CERK: variants seen among roughly 807,000 people sequenced by gnomAD.
The protein encoded by CERK is acylsphingosine kinase.
A neutral mutation model predicts 63.4 loss-of-function variants in CERK; 39 were observed. The ratio of observed to expected loss-of-function variants is 0.61; its 90% confidence interval spans 0.48 to 0.80. The LOEUF (loss-of-function observed/expected upper bound fraction) is 0.80. Among genes scored for constraint, CERK ranks in the 30% least tolerant of loss-of-function variants. The pLI is 0.00. For synonymous variants in CERK, 302 were observed against 280.0 expected, an observed-to-expected ratio of 1.08 and a Z score of -0.78; for missense variants, 670 against 714.1, an observed-to-expected ratio of 0.94 and a Z score of 0.70.
chr22:46,700,061 C>G (rs544089745), intron 7 of CERK, among the ~76,000 whole-genome samples: 154 of 151,484 alleles, frequency 1.0e-3, no homozygotes, highest in Non-Finnish European at 1.9e-3. Flanking sequence ...TGTACTCCAG[C>G]CTGGGCCACA....
chr22:46,725,014 C>T (rs1436835241), intron 1 of CERK, among the ~76,000 whole-genome samples: 1 of 151,636 alleles, frequency 6.6e-6, no homozygotes, highest in African/African-American at 2.4e-5. Context: ...GACAGCAAAA[C>T]TCCATCTCAA....
intron 12 of CERK, among the ~76,000 whole-genome samples, chr22:46,688,785 C>T (rs1306136481): frequency 1.3e-5 from 2 of 152,254 alleles, no homozygotes; most frequent in African/African-American, 4.8e-5. Context: ...GCCAGCCACA[C>T]TCTGTTAACG....
intron 1 of CERK, among the ~76,000 whole-genome samples, chr22:46,729,320 C>T (rs1291294698): frequency 6.6e-6 from 1 of 152,162 alleles, no homozygotes; most frequent in African/African-American, 2.4e-5. Flanking sequence ...AACTGAGCCA[C>T]TGCACTCCAG....
intron 1 of CERK, among the ~76,000 whole-genome samples, chr22:46,723,945 G>C (rs907045945): frequency 6.6e-6 from 1 of 152,020 alleles, no homozygotes. Context: ...TGATCTGCCC[G>C]CCTCGGCCTC....
At chr22:46,711,056 C>T in intron 5 of CERK, 30 bp downstream of exon 5, 1 of 1,589,604 alleles carries the variant, frequency 6.3e-7, no homozygotes, top group Non-Finnish European at 8.6e-7. Flanking sequence ...TAACAATGGA[C>T]TTGATGGCGA....
rs1435762725 is a variant in CERK at position 46,701,521 on chromosome 22, A to G, written c.790+115T>C. 1.4e-5 allele frequency: 12 copies of G among 841,972 alleles called. No homozygotes were observed. The Admixed American group carries it at 2.9e-4, about 21-fold the overall frequency. The allele number at this position is 841,972 out of a possible 1,614,324, so 52.2% of individuals were successfully genotyped here. On this transcript the variant is annotated intron_variant, in intron 7 of 12. Coordinates refer to ENST00000216264, the MANE Select transcript of CERK (RefSeq NM_022766.6). Reference sequence around the variant, plus strand: ...CAGAGCAGGGGACACAGCGTGACCCACGGCCAGGACAGGACGGCAACGGCT... The same window carrying G: ...CAGAGCAGGGGACACAGCGTGACCCGCGGCCAGGACAGGACGGCAACGGCT...
At chr22:46,698,337 C>G (rs2082766623) in intron 8 of CERK, among the ~76,000 whole-genome samples, 1 of 152,242 alleles carries the variant, frequency 6.6e-6, no homozygotes, top group East Asian at 1.9e-4. Flanking sequence ...CAGGATCTTG[C>G]CTGTTTTGTT....
intron 1 of CERK, among the ~76,000 whole-genome samples, chr22:46,723,987 C>T (rs368243906): frequency 1.3e-4 from 20 of 152,238 alleles, no homozygotes; most frequent in East Asian, 3.9e-4. Context: ...CATGAGCCAC[C>T]GCGCCTGGCC....
chr22:46,704,399 C>T (rs1233567506), intron 6 of CERK, among the ~76,000 whole-genome samples: 1 of 152,136 alleles, frequency 6.6e-6, no homozygotes, highest in Admixed American at 6.5e-5. Flanking sequence ...GATGAGAATG[C>T]AGAAAAACAG....
chr22:46,733,146 T>A (rs1304261510), intron 1 of CERK, among the ~76,000 whole-genome samples: 1 of 140,606 alleles, frequency 7.1e-6, no homozygotes, highest in East Asian at 2.2e-4. Flanking sequence ...AGGCGGAGCT[T>A]GCAGTGAGCT....
intron 3 of CERK, among the ~76,000 whole-genome samples, chr22:46,713,869 C>T (rs2082855221): frequency 6.6e-6 from 1 of 152,080 alleles, no homozygotes; most frequent in South Asian, 2.1e-4. Context: ...TAGTGGCTGA[C>T]ACCTGTAATC....
rs9616100 is a variant in CERK at position 46,703,752 on chromosome 22, T to C, written c.716-2042A>G. Among the ~76,000 whole-genome samples the C allele has an allele frequency of 3.7e-3, 566 of 152,150 alleles. 3 individuals are homozygous for C. Among genetic ancestry groups the C allele is most frequent in the Non-Finnish European group, 6.3e-3 (428 of 67,992 alleles). On this transcript the variant is annotated intron_variant, in intron 6 of 12. Transcript: ENST00000216264. ...TTAGGACCAAACGCAGAGAGCGATA[T>C]CGGAGCAGAGTCAGACGTCACCCCC...
At chr22:46,693,943 T>C (rs1393260914) in intron 9 of CERK, 3 of 181,090 alleles carry the variant, frequency 1.7e-5, no homozygotes, top group African/African-American at 7.2e-5. Flanking sequence ...GCTTAGAACT[T>C]AGTCATTCGT....
At chr22:46,719,828 G>A (rs1390345142) in intron 3 of CERK, among the ~76,000 whole-genome samples, 1 of 152,236 alleles carries the variant, frequency 6.6e-6, no homozygotes, top group Non-Finnish European at 1.5e-5. Flanking sequence ...GGCTCAGAAG[G>A]GTAAGTGACC....
intron 6 of CERK, among the ~76,000 whole-genome samples, chr22:46,704,058 G>A (rs552642032): frequency 4.2e-4 from 64 of 152,340 alleles, no homozygotes; most frequent in African/African-American, 1.5e-3. Context: ...GCTACAATGC[G>A]CACCCACCCT....
intron 5 of CERK, among the ~76,000 whole-genome samples, chr22:46,710,676 G>A (rs1266314744): frequency 1.3e-5 from 2 of 152,098 alleles, no homozygotes; most frequent in Non-Finnish European, 2.9e-5. Context: ...CCACATAATG[G>A]ACCATGATAT....
intron 7 of CERK, among the ~76,000 whole-genome samples, chr22:46,700,865 A>C (rs2082779949): frequency 6.6e-6 from 1 of 150,912 alleles, no homozygotes; most frequent in African/African-American, 2.4e-5. Flanking sequence ...TACAAAATGA[A>C]CTGGACGTGG....
chr22:46,702,443 C>T (rs2082791616), intron 6 of CERK, among the ~76,000 whole-genome samples: 1 of 152,088 alleles, frequency 6.6e-6, no homozygotes, highest in Admixed American at 6.6e-5. Context: ...AGGCACGCGC[C>T]ACCACGCCCT....
At chr22:46,717,174 G>C (rs1398124422) in intron 3 of CERK, among the ~76,000 whole-genome samples, 1 of 152,164 alleles carries the variant, frequency 6.6e-6, no homozygotes, top group Non-Finnish European at 1.5e-5. Context: ...CTAAGATGTG[G>C]GGCAACCAGA....
Sources: allele counts gnomAD v4.1 joint callset (sites outside exome capture counted in the v4.1 genomes callset), GRCh38; gene constraint gnomAD v4.1.1; transcripts MANE v1.5; gene names NCBI Gene and HGNC (gene_info 2026-07-23, HGNC 2026-07-21).